Variants in ITGAL observed in about 807,000 individuals in gnomAD.
The protein encoded by ITGAL is integrin alpha-L.
ITGAL carries 68 observed loss-of-function variants against 138.4 expected under a neutral mutation model. That is an observed-to-expected ratio of 0.49 (90% CI 0.40 to 0.60). The LOEUF (loss-of-function observed/expected upper bound fraction) is 0.60, where lower values mean the gene tolerates loss of function less well. ITGAL is among the 20% of genes least tolerant of loss of function. The probability of loss-of-function intolerance (pLI) is 0.00; values close to 1 mark genes in which losing one functional copy is unlikely to be tolerated. For missense variants in ITGAL, 1,256 were observed against 1,478.6 expected, an observed-to-expected ratio of 0.85 and a Z score of 2.47; for synonymous variants, 561 against 584.3, an observed-to-expected ratio of 0.96 and a Z score of 0.57.
At chr16:30,499,555 G>C in intron 17 of ITGAL, 66 bp downstream of exon 17, 2 of 1,516,380 alleles carry the variant, frequency 1.3e-6, no homozygotes, top group Non-Finnish European at 9.1e-7. Flanking sequence ...CTCCGTCACT[G>C]TCCAGTGGGT....
chr16:30,475,083 T>C (rs1420112335), intron 2 of ITGAL, among the ~76,000 whole-genome samples: 2 of 152,110 alleles, frequency 1.3e-5, no homozygotes, highest in Non-Finnish European at 1.5e-5. Context: ...GGTCTCAAGT[T>C]CCTGACCTCA....
chr16:30,484,337 G>A (rs529546830), intron 9 of ITGAL, 74 bp downstream of exon 9: 28 of 1,431,088 alleles, frequency 2.0e-5, no homozygotes, highest in African/African-American at 1.6e-4. Flanking sequence ...GGCCGGGCTT[G>A]GTGGCTCACA....
chr16:30,499,616 G>T (rs545762924), intron 17 of ITGAL, 127 bp downstream of exon 17: 9 of 772,132 alleles, frequency 1.2e-5, no homozygotes, highest in Non-Finnish European at 1.8e-5. Flanking sequence ...CTGTGCAATG[G>T]TAGTAATAAC....
intron 22 of ITGAL, among the ~76,000 whole-genome samples, 198 bp downstream of exon 22, chr16:30,510,669 T>G (rs1157008255): frequency 1.3e-5 from 2 of 152,118 alleles, no homozygotes; most frequent in Non-Finnish European, 2.9e-5. Context: ...AAAGCTGGGA[T>G]TGGGTTATTC....
chr16:30,488,535 T>A (rs2050678777), intron 9 of ITGAL, among the ~76,000 whole-genome samples: 1 of 151,518 alleles, frequency 6.6e-6, no homozygotes, highest in African/African-American at 2.4e-5. Flanking sequence ...TGAAACCCCA[T>A]CTCTACTAAA....
intron 2 of ITGAL, 49 bp downstream of exon 2, chr16:30,474,347 C>A: frequency 7.2e-7 from 1 of 1,386,574 alleles, no homozygotes; most frequent in Non-Finnish European, 1.0e-6. Context: ...CCTGGGGCAG[C>A]CCCCGAGGCG....
rs376301659 is a variant in ITGAL, at chr16:30,506,776, T to C, written c.2428T>C (p.Leu810=). The C allele has an allele frequency of 6.2e-7, 1 of 1,613,816 alleles. No individual in the cohort carries two copies. Among genetic ancestry groups the C allele is most frequent in the African/African-American group, 1.3e-5 (1 of 74,870 alleles). The change falls in exon 21 of 31, where the codon TTG becomes CTG. Residue 810 remains leucine (L), a synonymous_variant. Transcript: ENST00000356798. The part of the protein sequence containing the change: ...SLSVELSLSN[L]EEDAYWVQLD... ...CTCTGTGGAGCTGAGCCTGAGTAAC[T>C]TGGAAGAAGATGCTTACTGGGTCCA... is the stretch of plus-strand genomic sequence containing the variant.
intron 9 of ITGAL, among the ~76,000 whole-genome samples, chr16:30,484,469 TGTG>T (rs1394033312): frequency 2.0e-5 from 3 of 147,612 alleles, no homozygotes; most frequent in Non-Finnish European, 4.5e-5. Context: ...AATAGCCAGG[TGTG>T]GTGGTGGGTG....
Position 30,510,896 on chromosome 16 carries a change from A to T in ITGAL, c.2635A>T (p.Met879Leu). ...TTCCTGCCAGGTTGCTCTGCAGATG[A>T]TGTTTAATACACTGGTAAACAGCTC... Reference protein sequence around the residue: ...KAGHSVALQMMFNTLVNSSWG... With the variant: ...KAGHSVALQMLFNTLVNSSWG... The change falls in exon 23 of 31, where the codon ATG becomes TTG. Residue 879 changes from methionine to leucine, a missense_variant. Transcript: ENST00000356798. 6.2e-7 allele frequency: 1 copy of T among 1,613,898 alleles called. No individual in the cohort carries two copies. Among genetic ancestry groups the T allele is most frequent in the East Asian group, 2.2e-5 (1 of 44,856 alleles).
chr16:30,476,265 A>G (rs1401540844), intron 4 of ITGAL, among the ~76,000 whole-genome samples: 2 of 151,862 alleles, frequency 1.3e-5, no homozygotes, highest in African/African-American at 4.8e-5. Flanking sequence ...AAAAAAAAAG[A>G]ATCTTCCTGC....
In ITGAL at chr16:30,496,420, T is replaced by A; in HGVS notation, c.1702-16T>A. 6.2e-7 allele frequency: 1 copy of A among 1,614,034 alleles called. No homozygotes were observed. ...ACCTCTCCTCAGCTTAGTGGCAATT[T>A]CTTTCTTGCTCTCAGCGGATAGAAG... On this transcript the variant is annotated splice_polypyrimidine_tract_variant and intron_variant, in intron 14 of 30. Coordinates refer to ENST00000356798, the MANE Select transcript of ITGAL (RefSeq NM_002209.3).
intron 30 of ITGAL, 58 bp from the exon 31 acceptor site, chr16:30,521,434 T>A (rs2051251922): frequency 2.0e-6 from 3 of 1,520,768 alleles, no homozygotes; most frequent in Middle Eastern, 1.7e-4. Flanking sequence ...TCTCACATTT[T>A]CTTGGGGCCA....
At chr16:30,493,170 G>A (rs2050747794) in intron 11 of ITGAL, among the ~76,000 whole-genome samples, 1 of 152,056 alleles carries the variant, frequency 6.6e-6, no homozygotes, top group Non-Finnish European at 1.5e-5. Context: ...ACAGGTGTGA[G>A]CCACTGCACT....
At chr16:30,504,406 G>A in intron 18 of ITGAL, 142 bp downstream of exon 18, 1 of 654,090 alleles carries the variant, frequency 1.5e-6, no homozygotes. Flanking sequence ...AAGGTCAGGG[G>A]TTCAGGACCA....
At chr16:30,496,024 C>T in intron 13 of ITGAL, 73 bp from the exon 14 acceptor site, 1 of 1,246,960 alleles carries the variant, frequency 8.0e-7, no homozygotes, top group Non-Finnish European at 1.2e-6. Context: ...GTTTCTTTAG[C>T]ATTCTTCACT....
chr16:30,482,606 A>G (rs752679990), intron 7 of ITGAL, among the ~76,000 whole-genome samples: 7 of 152,188 alleles, frequency 4.6e-5, no homozygotes, highest in Non-Finnish European at 7.4e-5. Flanking sequence ...ATGAGAGACA[A>G]TGGTTGTATA....
At chr16:30,501,294 G>A (rs1259997309) in intron 17 of ITGAL, among the ~76,000 whole-genome samples, 1 of 151,724 alleles carries the variant, frequency 6.6e-6, no homozygotes, top group Non-Finnish European at 1.5e-5. Context: ...TAAAATGTTT[G>A]GCTGGGCACG....
At position 30,475,351 on chromosome 16, in the gene ITGAL, C is replaced by A. The variant is rs1365168240; in HGVS notation, c.210C>A (p.Leu70=). 7.4e-6 allele frequency: 12 copies of A among 1,613,848 alleles called. No homozygotes were observed. Among genetic ancestry groups the A allele is most frequent in the African/African-American group, 1.3e-5 (1 of 74,906 alleles). Residue 70 remains leucine (L), a synonymous_variant, in exon 3 of 31, where the codon CTC becomes CTA. Coordinates refer to ENST00000356798, the MANE Select transcript of ITGAL (RefSeq NM_002209.3). ...GGGAGGGGAACAGCACAGGAAGCCT[C>A]TATCAGTGCCAGTCGGGCACAGGAC... The part of the protein sequence containing the change: ...APGEGNSTGS[L]YQCQSGTGHC...
intron 25 of ITGAL, among the ~76,000 whole-genome samples, chr16:30,515,367 T>TCCCAACATGG (rs1332442860): frequency 6.6e-6 from 1 of 152,024 alleles, no homozygotes; most frequent in African/African-American, 2.4e-5. Flanking sequence ...TGAGAGAGGC[T>TCCCAACATGG]CCCAACATGG....
Sources: allele counts gnomAD v4.1 joint callset (sites outside exome capture counted in the v4.1 genomes callset), GRCh38; gene constraint gnomAD v4.1.1; transcripts MANE v1.5; gene names NCBI Gene and HGNC (gene_info 2026-07-23, HGNC 2026-07-21).